Variants in TNNI3K observed in about 807,000 individuals in gnomAD.
TNNI3K encodes the protein TNNI3 interacting kinase.
A neutral mutation model predicts 114.5 loss-of-function variants in TNNI3K; 140 were observed. The observed-to-expected ratio is 1.22, with a 90% CI of 1.07 to 1.41. The LOEUF (loss-of-function observed/expected upper bound fraction) is 1.41, where lower values mean the gene tolerates loss of function less well. TNNI3K is among the 40% of genes most tolerant of loss of function. The pLI is 0.00. For synonymous variants in TNNI3K, 347 were observed against 347.5 expected (o/e 1.00, Z 0.02); for missense variants, 1,125 against 1,007.6 (o/e 1.12, Z -1.58).
chr1:74,508,581 A>C (rs1038126900), intron 23 of TNNI3K, among the ~76,000 whole-genome samples: 1 of 152,226 alleles, frequency 6.6e-6, no homozygotes, highest in Non-Finnish European at 1.5e-5. Flanking sequence ...GCCAGGAGGC[A>C]GACTGCATTC....
At chr1:74,513,272 T>A (rs1570725804) in intron 23 of TNNI3K, among the ~76,000 whole-genome samples, 1 of 152,320 alleles carries the variant, frequency 6.6e-6, no homozygotes, top group East Asian at 1.9e-4. Context: ...TATACCGGGA[T>A]GTGGAAATTT....
chr1:74,275,639 A>G (rs1038996507), intron 5 of TNNI3K, among the ~76,000 whole-genome samples: 2 of 152,126 alleles, frequency 1.3e-5, no homozygotes, highest in Non-Finnish European at 2.9e-5. Flanking sequence ...GAAGGAAAGA[A>G]TGAGATAAGC....
intron 23 of TNNI3K, among the ~76,000 whole-genome samples, chr1:74,515,217 A>G (rs567234749): frequency 6.6e-6 from 1 of 152,314 alleles, no homozygotes; most frequent in South Asian, 2.1e-4. Flanking sequence ...AGCCCTAGGA[A>G]ATGAATACAG....
intron 23 of TNNI3K, among the ~76,000 whole-genome samples, chr1:74,530,539 A>G (rs1290400572): frequency 6.6e-6 from 1 of 152,170 alleles, no homozygotes; most frequent in East Asian, 1.9e-4. Flanking sequence ...AAAATCATCA[A>G]ATAGAACTAG....
In TNNI3K at chr1:74,369,045, A is replaced by G; in HGVS notation, c.1345A>G (p.Arg449Gly). 6.2e-7 allele frequency: 1 copy of G among 1,607,252 alleles called. No homozygotes were observed. Among genetic ancestry groups the G allele is most frequent in the Non-Finnish European group, 8.5e-7 (1 of 1,177,454 alleles). Reference protein sequence around the residue: ...TKEKADILLLRAGLPSHFHLQ... With the variant: ...TKEKADILLLGAGLPSHFHLQ... ...AGAGAAGGCAGATATTCTCCTCCTA[A>G]GAGCTGGATTGCCTTCACATTTCCA... Residue 449 changes from arginine to glycine, a missense_variant, in exon 14 of 25, where the codon AGA (arginine) becomes GGA (glycine). Arg to Gly is a moderately radical substitution (Grantham distance 125). Transcript: ENST00000326637.
At chr1:74,422,775 C>G (rs1370555846) in intron 17 of TNNI3K, among the ~76,000 whole-genome samples, 7 of 152,020 alleles carry the variant, frequency 4.6e-5, no homozygotes, top group Admixed American at 4.6e-4. Flanking sequence ...AAAAAACCCA[C>G]TAAATTCTTT....
chr1:74,330,179 A>T (rs1329230437), intron 5 of TNNI3K, among the ~76,000 whole-genome samples: 1 of 152,104 alleles, frequency 6.6e-6, no homozygotes, highest in Non-Finnish European at 1.5e-5. Context: ...TCCCCAAAAT[A>T]GGCTACTTTG....
intron 5 of TNNI3K, among the ~76,000 whole-genome samples, chr1:74,309,227 G>A (rs1013131114): frequency 2.9e-4 from 43 of 149,564 alleles, no homozygotes; most frequent in African/African-American, 9.6e-4. Context: ...AATTAGCCGG[G>A]CGAGGTGGCG....
intron 21 of TNNI3K, among the ~76,000 whole-genome samples, chr1:74,478,083 G>A (rs1283892635): frequency 6.6e-6 from 1 of 152,090 alleles, no homozygotes; most frequent in African/African-American, 2.4e-5. Flanking sequence ...AGAAGAAAAT[G>A]GTCTCATAGG....
At chr1:74,266,639 ATTT>A (rs1382178910) in intron 4 of TNNI3K, among the ~76,000 whole-genome samples, 1 of 152,060 alleles carries the variant, frequency 6.6e-6, no homozygotes, top group African/African-American at 2.4e-5. Context: ...TAGAGTTGAA[ATTT>A]TTTTGTTTAA....
At chr1:74,331,374 A>G (rs1660195229) in intron 5 of TNNI3K, 76 bp from the exon 6 acceptor site, 1 of 1,457,128 alleles carries the variant, frequency 6.9e-7, no homozygotes, top group African/African-American at 1.4e-5. Context: ...AGATTTGTGC[A>G]TGGTGGTTGT....
intron 17 of TNNI3K, among the ~76,000 whole-genome samples, chr1:74,434,184 G>T (rs1557563108): frequency 1.3e-5 from 2 of 151,984 alleles, no homozygotes; most frequent in East Asian, 3.9e-4. Context: ...ATCAAGTCCA[G>T]AATTGTTCTC....
chr1:74,295,615 T>C (rs547491692), intron 5 of TNNI3K, among the ~76,000 whole-genome samples: 82 of 152,312 alleles, frequency 5.4e-4, no homozygotes, highest in African/African-American at 1.7e-3. Flanking sequence ...TTTTCATCTT[T>C]AGTAATTCTC....
intron 17 of TNNI3K, chr1:74,418,190 A>C (rs1175074004): frequency 6.6e-6 from 3 of 453,734 alleles, no homozygotes; most frequent in Non-Finnish European, 8.9e-6. Context: ...TATGTATGTG[A>C]TTGCTAGAGC....
intron 17 of TNNI3K, among the ~76,000 whole-genome samples, chr1:74,434,027 C>G (rs762981041): frequency 6.6e-6 from 1 of 152,034 alleles, no homozygotes; most frequent in Non-Finnish European, 1.5e-5. Context: ...GATGGATCCA[C>G]TCTACTGCTT....
intron 3 of TNNI3K, among the ~76,000 whole-genome samples, chr1:74,250,062 A>G (rs550816986): frequency 6.6e-6 from 1 of 152,220 alleles, no homozygotes; most frequent in Non-Finnish European, 1.5e-5. Context: ...ATAGCCACTC[A>G]GTAAAGTTAT....
chr1:74,495,639 G>C (rs976659426), intron 23 of TNNI3K, among the ~76,000 whole-genome samples: 2 of 152,100 alleles, frequency 1.3e-5, no homozygotes, highest in Non-Finnish European at 2.9e-5. Context: ...AATTTTTATA[G>C]ATGAGGAAAC....
intron 17 of TNNI3K, among the ~76,000 whole-genome samples, chr1:74,425,071 TA>T (rs1665570235): frequency 6.6e-6 from 1 of 152,106 alleles, no homozygotes; most frequent in South Asian, 2.1e-4. Context: ...AAGCTTGTTT[TA>T]AAATAAGGAC....
intron 17 of TNNI3K, chr1:74,418,241 G>C (rs1317936802): frequency 9.0e-6 from 4 of 442,380 alleles, no homozygotes; most frequent in Non-Finnish European, 1.8e-5. Context: ...GCATCAGAAA[G>C]AGCAGAGCAG....
Sources: gnomAD v4.1 joint callset for allele counts (sites outside exome capture counted in the v4.1 genomes callset) on GRCh38, gnomAD v4.1.1 for gene constraint, MANE v1.5 for transcripts, NCBI Gene and HGNC (gene_info 2026-07-23, HGNC 2026-07-21) for gene names.